The following GFRA2 variants were observed in gnomAD, a reference collection of about 807,000 sequenced individuals.
GFRA2 encodes the protein GDNF family receptor alpha-2.
Under a neutral mutation model 48.3 loss-of-function variants are expected in GFRA2, and 17 were observed. The ratio of observed to expected loss-of-function variants is 0.35; its 90% CI spans 0.24 to 0.53. The LOEUF (loss-of-function observed/expected upper bound fraction) is 0.53. Among genes scored for constraint, GFRA2 ranks in the 20% least tolerant of loss-of-function variants. GFRA2 has a pLI of 0.93. For missense variants in GFRA2, 660 were observed against 637.3 expected (o/e 1.04, Z -0.38); for synonymous variants, 305 against 257.2 (o/e 1.19, Z -1.78).
At chr8:21,747,756 CCACACACACACA>C (rs61578379) in intron 4 of GFRA2, among the ~76,000 whole-genome samples, 581 of 139,100 alleles carry the variant, frequency 4.2e-3, no homozygotes, top group African/African-American at 0.012. Context: ...CCATCTTCCA[CCACACACACACA>C]CACACACACA....
intron 4 of GFRA2, among the ~76,000 whole-genome samples, chr8:21,720,664 G>A (rs1044136252): frequency 4.6e-5 from 7 of 152,060 alleles, no homozygotes; most frequent in African/African-American, 1.7e-4. Context: ...CATATGCCTT[G>A]GTCCTGTGTT....
At chr8:21,779,948 C>A (rs1806892220) in intron 2 of GFRA2, among the ~76,000 whole-genome samples, 1 of 152,092 alleles carries the variant, frequency 6.6e-6, no homozygotes, top group Non-Finnish European at 1.5e-5. Context: ...CCAGCCCCTC[C>A]CCTTCCCAAA....
chr8:21,697,019 A>G (rs1308191305), intron 7 of GFRA2, among the ~76,000 whole-genome samples: 26 of 14,812 alleles, frequency 1.8e-3, no homozygotes, highest in East Asian at 3.6e-3. Flanking sequence ...AGAGGGAGAG[A>G]TGAAGGGACA....
chr8:21,716,198 C>T (rs978207796), intron 4 of GFRA2, among the ~76,000 whole-genome samples: 1 of 151,946 alleles, frequency 6.6e-6, no homozygotes, highest in African/African-American at 2.4e-5. Context: ...TAGCACACAC[C>T]TGTAATCCCA....
chr8:21,742,725 C>T (rs552951680), intron 4 of GFRA2, among the ~76,000 whole-genome samples: 1 of 152,282 alleles, frequency 6.6e-6, no homozygotes, highest in Non-Finnish European at 1.5e-5. Context: ...GGCTTGCATT[C>T]GGATTCTCCC....
chr8:21,708,405 T>TGGAGACCCAGAGATCTCTGGGTG (rs1802856055), intron 4 of GFRA2, among the ~76,000 whole-genome samples: 1 of 152,194 alleles, frequency 6.6e-6, no homozygotes. Flanking sequence ...TCTCCATTCA[T>TGGAGACCCAGAGATCTCTGGGTG]GTCCCAGACC....
upstream of GFRA2, chr8:21,790,042 G>T (rs1329469440): frequency 2.8e-5 from 28 of 983,340 alleles, no homozygotes; most frequent in African/African-American, 3.5e-5. Context: ...GGGGGCGATT[G>T]ATCCATCTGT....
At chr8:21,785,565 G>A (rs1333442656) in intron 1 of GFRA2, among the ~76,000 whole-genome samples, 4 of 152,182 alleles carry the variant, frequency 2.6e-5, no homozygotes, top group East Asian at 3.9e-4. Context: ...TAGAGACACA[G>A]GGGTAGAGGG....
At chr8:21,790,025 C>G (rs907776038), upstream of GFRA2, 415 of 972,322 alleles carry the variant, frequency 4.3e-4, 1 homozygote, top group Non-Finnish European at 5.0e-4. Flanking sequence ...CCTCCCCTAG[C>G]CGGGAAGGGG....
At chr8:21,766,746 C>CCCTCCTT (rs1400845132) in intron 3 of GFRA2, among the ~76,000 whole-genome samples, 1 of 147,002 alleles carries the variant, frequency 6.8e-6, no homozygotes, top group Non-Finnish European at 1.5e-5. Context: ...CCCTCCCTGT[C>CCCTCCTT]CCTCCTTCCG....
At chr8:21,741,365 T>G (rs1466583997) in intron 4 of GFRA2, among the ~76,000 whole-genome samples, 1 of 152,190 alleles carries the variant, frequency 6.6e-6, no homozygotes, top group African/African-American at 2.4e-5. Context: ...ATTCCTCAGG[T>G]CTCAGTTTAA....
intron 2 of GFRA2, among the ~76,000 whole-genome samples, chr8:21,802,031 C>T (rs1161690731): frequency 8.5e-5 from 13 of 152,240 alleles, no homozygotes; most frequent in Admixed American, 8.5e-4. Context: ...TTGGTCCTTC[C>T]ATTTCTGACA....
chr8:21,798,453 G>A (rs1013913683), intron 2 of GFRA2, among the ~76,000 whole-genome samples: 14 of 152,112 alleles, frequency 9.2e-5, no homozygotes, highest in Non-Finnish European at 1.8e-4. Flanking sequence ...CCTAACTCCC[G>A]AAATTCATCT....
intron 4 of GFRA2, among the ~76,000 whole-genome samples, chr8:21,725,202 T>C (rs1331735146): frequency 2.0e-5 from 3 of 152,250 alleles, no homozygotes; most frequent in Admixed American, 6.5e-5. Context: ...CCCAAGAAGA[T>C]TCCTGACTTC....
chr8:21,699,130 G>T (rs1802348630), intron 7 of GFRA2, among the ~76,000 whole-genome samples: 1 of 152,224 alleles, frequency 6.6e-6, no homozygotes, highest in Non-Finnish European at 1.5e-5. Context: ...AGGCTTGTTA[G>T]CCTCGGTGCC....
At chr8:21,745,998 G>A (rs1435595548) in intron 4 of GFRA2, among the ~76,000 whole-genome samples, 1 of 152,206 alleles carries the variant, frequency 6.6e-6, no homozygotes, top group Admixed American at 6.5e-5. Flanking sequence ...CAGGAAAACT[G>A]CTTCAACAGA....
At chr8:21,784,204 C>T in intron 1 of GFRA2, 1 of 437,984 alleles carries the variant, frequency 2.3e-6, no homozygotes, top group Non-Finnish European at 4.7e-6. Flanking sequence ...CCTTTCAAAG[C>T]CAAGCTCCTA....
intron 5 of GFRA2, among the ~76,000 whole-genome samples, chr8:21,705,518 T>C (rs1233828005): frequency 6.6e-6 from 1 of 152,154 alleles, no homozygotes; most frequent in Non-Finnish European, 1.5e-5. Flanking sequence ...GGTGAGACTG[T>C]GCAAGTCACT....
intron 3 of GFRA2, among the ~76,000 whole-genome samples, chr8:21,771,001 G>A (rs369822361): frequency 0.011 from 1,700 of 152,256 alleles, 26 homozygotes; most frequent in African/African-American, 0.037. Flanking sequence ...CTCAACCCCT[G>A]CATCCAACTA....
Sources: gnomAD v4.1 joint callset for allele counts (sites outside exome capture counted in the v4.1 genomes callset) on GRCh38, gnomAD v4.1.1 for gene constraint, MANE v1.5 for transcripts, NCBI Gene and HGNC (gene_info 2026-07-23, HGNC 2026-07-21) for gene names.